KCTD8: variants seen among roughly 807,000 people sequenced by gnomAD.
The protein encoded by KCTD8 is potassium channel tetramerization domain containing 8.
KCTD8 carries 27 observed loss-of-function variants against 31.5 expected under a neutral mutation model. The ratio of observed to expected loss-of-function variants is 0.86; its 90% CI spans 0.63 to 1.18. KCTD8 has a LOEUF of 1.18. Ranked by LOEUF, KCTD8 falls within the 50% of genes most tolerant of loss-of-function variation. The pLI is 0.00. For missense variants in KCTD8, 658 were observed against 647.7 expected, an observed-to-expected ratio of 1.02 and a Z score of -0.17; for synonymous variants, 290 against 280.0, an observed-to-expected ratio of 1.04 and a Z score of -0.36.
At chr4:44,251,612 T>C (rs1316448151) in intron 1 of KCTD8, among the ~76,000 whole-genome samples, 2 of 151,582 alleles carry the variant, frequency 1.3e-5, no homozygotes, top group East Asian at 3.9e-4. Flanking sequence ...TTTCTAATTA[T>C]GTATTGCTGG....
At chr4:44,384,123 C>A (rs1241303636) in intron 1 of KCTD8, among the ~76,000 whole-genome samples, 1 of 142,610 alleles carries the variant, frequency 7.0e-6, no homozygotes, top group East Asian at 2.1e-4. Context: ...TCTTCTCACT[C>A]AGGTTCAATG....
rs1722014433 is a variant in KCTD8 at position 44,448,431 on chromosome 4, G to A, written c.93C>T (p.Ala31=). The change falls in exon 1 of 2, where the codon GCC becomes GCT. Residue 31 remains alanine, a synonymous_variant. Transcript: ENST00000360029. The surrounding 1 kb of genome is among the most constrained non-coding windows in gnomAD (Gnocchi z 4.1). ...SSSSSPGASA[A]AAPGPCAPSP... ...AGGGTGCGCAGGGCCCCGGGGCGGCGGCGGCCGACGCGCCGGGCGAGCTGG... is the reference window on the plus strand; with the variant it reads ...AGGGTGCGCAGGGCCCCGGGGCGGCAGCGGCCGACGCGCCGGGCGAGCTGG... 3 of 1,555,548 alleles carry A rather than the reference G, an allele frequency of 1.9e-6. No homozygotes were observed. The highest frequency in any genetic ancestry group is 8.6e-7 in the Non-Finnish European group (1 of 1,158,338).
chr4:44,197,711 T>C (rs994430184), intron 1 of KCTD8, among the ~76,000 whole-genome samples: 1 of 152,020 alleles, frequency 6.6e-6, no homozygotes, highest in Admixed American at 6.6e-5. Context: ...CCCTCTCAGA[T>C]GGGAAAAAAT....
chr4:44,379,517 A>G (rs10938333), intron 1 of KCTD8, among the ~76,000 whole-genome samples: 123,975 of 152,040 alleles, frequency 0.82, 50,781 homozygotes, highest in South Asian at 0.89. Context: ...TGTGCAAATC[A>G]TGTGATTAGT....
At chr4:44,411,945 T>G (rs745503352) in intron 1 of KCTD8, among the ~76,000 whole-genome samples, 2 of 152,030 alleles carry the variant, frequency 1.3e-5, no homozygotes, top group Non-Finnish European at 2.9e-5. Context: ...TGCAATACAT[T>G]TCTGCTGTTT....
At chr4:44,406,905 A>C (rs781437055) in intron 1 of KCTD8, among the ~76,000 whole-genome samples, 1 of 152,194 alleles carries the variant, frequency 6.6e-6, no homozygotes, top group Non-Finnish European at 1.5e-5. Flanking sequence ...GGATATGTAC[A>C]TCTTTGAATT....
intron 1 of KCTD8, among the ~76,000 whole-genome samples, chr4:44,441,149 G>C (rs972799540): frequency 6.6e-5 from 10 of 151,892 alleles, no homozygotes; most frequent in Non-Finnish European, 1.3e-4. Flanking sequence ...TTACTTGTTG[G>C]AATGACTTTG....
At chr4:44,430,641 G>A (rs891559751) in intron 1 of KCTD8, among the ~76,000 whole-genome samples, 2 of 151,474 alleles carry the variant, frequency 1.3e-5, no homozygotes, top group African/African-American at 4.8e-5. Flanking sequence ...AATGTTTATT[G>A]GTAACCCTCC....
rs1337509992 is a variant in KCTD8, at chr4:44,447,638, A to G, written c.886T>C (p.Ser296Pro). 8.1e-6 allele frequency: 13 copies of G among 1,608,386 alleles called. No individual in the cohort carries two copies. In the South Asian group the frequency reaches 1.3e-4, roughly 17 times the overall value. Reference protein sequence around the residue: ...AGFHMVACNSSGTAAFVNQYR... With the variant: ...AGFHMVACNSPGTAAFVNQYR... ...TGGTTGACGAAGGCGGCGGTGCCCGAGGAGTTACACGCCACCATGTGGAAG... is the reference window on the plus strand; with the variant it reads ...TGGTTGACGAAGGCGGCGGTGCCCGGGGAGTTACACGCCACCATGTGGAAG... Residue 296 changes from serine to proline, a missense_variant, in exon 1 of 2, where the codon TCG (serine) becomes CCG (proline). Physicochemically the swap from Ser to Pro is moderately conservative, Grantham distance 74. Transcript: ENST00000360029.
chr4:44,338,667 T>C (rs1718817585), intron 1 of KCTD8, among the ~76,000 whole-genome samples: 2 of 152,162 alleles, frequency 1.3e-5, no homozygotes, highest in South Asian at 4.1e-4. Flanking sequence ...CATAAAAACT[T>C]TTACAAAATA....
intron 1 of KCTD8, among the ~76,000 whole-genome samples, chr4:44,293,139 T>C (rs1016835069): frequency 5.3e-5 from 8 of 152,146 alleles, no homozygotes; most frequent in African/African-American, 1.9e-4. Context: ...GGAAATCTTA[T>C]CTAAGGATTA....
intron 1 of KCTD8, among the ~76,000 whole-genome samples, chr4:44,418,304 C>A (rs929775667): frequency 6.6e-6 from 1 of 152,014 alleles, no homozygotes; most frequent in African/African-American, 2.4e-5. Context: ...ATGGCTAGAG[C>A]AAAGGATTTG....
In KCTD8 at chr4:44,228,656, G is replaced by T. The variant is rs574911176; in HGVS notation, c.962-53406C>A. ...TTTTCACTGCCACCTCCTCAAGGGG[G>T]GTCTTTCCTGACCAATCTGAAACAC... is the stretch of plus-strand genomic sequence containing the variant. On this transcript the variant is annotated intron_variant, in intron 1 of 1. Transcript: ENST00000360029. Among the ~76,000 whole-genome samples the T allele has an allele frequency of 2.6e-5, 4 of 152,186 alleles. No individual in the cohort carries two copies. In the East Asian group the frequency reaches 7.8e-4, roughly 30 times the overall value.
intron 1 of KCTD8, among the ~76,000 whole-genome samples, chr4:44,320,198 AAG>A (rs1318727240): frequency 8.2e-5 from 12 of 145,622 alleles, no homozygotes; most frequent in Non-Finnish European, 1.1e-4. Flanking sequence ...AAAAAAAAAA[AAG>A]AGAGAGAGAA....
chr4:44,352,267 G>A (rs1032721572), intron 1 of KCTD8, among the ~76,000 whole-genome samples: 4 of 151,972 alleles, frequency 2.6e-5, no homozygotes, highest in African/African-American at 9.7e-5. Flanking sequence ...GCACTGCAAT[G>A]CTGACCTGTG....
chr4:44,401,371 C>T (rs1720658188), intron 1 of KCTD8, among the ~76,000 whole-genome samples: 3 of 152,074 alleles, frequency 2.0e-5, no homozygotes, highest in African/African-American at 7.2e-5. Context: ...TGATGCGCAT[C>T]TTCTTACAGC....
intron 1 of KCTD8, among the ~76,000 whole-genome samples, chr4:44,380,146 A>C (rs1272119955): frequency 6.6e-6 from 1 of 151,934 alleles, no homozygotes. Context: ...ACCCCTAGGC[A>C]AACTGCAGAG....
intron 1 of KCTD8, among the ~76,000 whole-genome samples, chr4:44,351,202 G>A (rs894830506): frequency 6.6e-6 from 1 of 151,994 alleles, no homozygotes; most frequent in Non-Finnish European, 1.5e-5. Context: ...CAAGTTTAAT[G>A]AAAACATGAA....
chr4:44,358,988 T>A (rs375188390), intron 1 of KCTD8, among the ~76,000 whole-genome samples: 47 of 152,344 alleles, frequency 3.1e-4, no homozygotes, highest in African/African-American at 1.0e-3. Context: ...AAGTGTCTGT[T>A]CATATCCTTC....
Sources: gnomAD v4.1 joint callset for allele counts (sites outside exome capture counted in the v4.1 genomes callset) on GRCh38, gnomAD v4.1.1 for gene constraint, Gnocchi (gnomAD v3.1) non-coding constraint, MANE v1.5 for transcripts, NCBI Gene and HGNC (gene_info 2026-07-23, HGNC 2026-07-21) for gene names.